Variants in CPLANE1 observed in about 807,000 individuals in gnomAD.
CPLANE1 encodes ciliogenesis and planar polarity effector 1.
Under a neutral mutation model 362.5 loss-of-function variants are expected in CPLANE1, and 263 were observed. That is an observed-to-expected ratio of 0.73 (90% confidence interval 0.66 to 0.80). The LOEUF is 0.80. Ranked by LOEUF, CPLANE1 falls within the 30% of genes least tolerant of loss-of-function variation. The probability of loss-of-function intolerance (pLI) is 0.00; values close to 1 mark genes in which losing one functional copy is unlikely to be tolerated. For missense variants in CPLANE1, 3,461 were observed against 3,793.4 expected (o/e 0.91, Z 2.30); for synonymous variants, 1,212 against 1,302.6 (o/e 0.93, Z 1.50).
At chr5:37,172,003 GGTC>G (rs1285945371) in intron 32 of CPLANE1, among the ~76,000 whole-genome samples, 1 of 151,886 alleles carries the variant, frequency 6.6e-6, no homozygotes, top group Non-Finnish European at 1.5e-5. Context: ...GTAGAGATGA[GGTC>G]TTGCTATGTT....
chr5:37,146,175 T>C (rs916077039), intron 43 of CPLANE1, among the ~76,000 whole-genome samples: 15 of 150,196 alleles, frequency 1.0e-4, no homozygotes, highest in African/African-American at 3.2e-4. Context: ...ACTGTAATAA[T>C]TAAAAAGCTT....
chr5:37,218,686 G>A (rs1172380053), intron 15 of CPLANE1, among the ~76,000 whole-genome samples: 1 of 152,086 alleles, frequency 6.6e-6, no homozygotes, highest in Non-Finnish European at 1.5e-5. Flanking sequence ...GGTGGCTCAC[G>A]CTTGTAATCC....
In CPLANE1 at chr5:37,107,236, T is replaced by G; in HGVS notation, c.*366A>C. 2.0e-6 allele frequency: 2 copies of G among 1,004,758 alleles called. No homozygotes were observed. The highest frequency in any genetic ancestry group is 9.3e-5 in the South Asian group (2 of 21,462). The allele number at this position is 1,004,758 out of a possible 1,614,324, so 62.2% of individuals were successfully genotyped here. ...TTTTTTTTTTCCTATTAGATTCATC[T>G]GTATATGGTTGTTTCTCAAAACTCA... On this transcript the variant is annotated 3_prime_UTR_variant, in exon 53 of 53. Transcript: ENST00000651892.
Position 37,247,693 on chromosome 5 carries a change from C to T in CPLANE1, c.6G>A (p.Glu2=). The change falls in exon 2 of 53, where the codon GAG becomes GAA. Residue 2 remains glutamate, a synonymous_variant. Coordinates refer to ENST00000651892, the MANE Select transcript of CPLANE1 (RefSeq NM_001384732.1). M[E]IRLEILTSTG... Reference sequence around the variant, plus strand: ...TTGATGTCAAGATTTCTAATCTTATCTCCATGTTTGTTAAGCTATCAATGA... The same window carrying T: ...TTGATGTCAAGATTTCTAATCTTATTTCCATGTTTGTTAAGCTATCAATGA... 6.5e-7 allele frequency: 1 copy of T among 1,548,724 alleles called. No individual in the cohort carries two copies. Among genetic ancestry groups the T allele is most frequent in the Non-Finnish European group, 8.7e-7 (1 of 1,144,622 alleles).
chr5:37,159,076 G>GCAAGCTCCGCTT (rs1776071555), intron 38 of CPLANE1, among the ~76,000 whole-genome samples: 1 of 136,528 alleles, frequency 7.3e-6, no homozygotes. Flanking sequence ...GAGCCACTGC[G>GCAAGCTCCGCTT]CCCAGCTAAT....
At chr5:37,135,754 C>T (rs1767511366) in intron 46 of CPLANE1, among the ~76,000 whole-genome samples, 1 of 151,894 alleles carries the variant, frequency 6.6e-6, no homozygotes, top group African/African-American at 2.4e-5. Flanking sequence ...TAACTTGAAC[C>T]AGGGAGTCAG....
intron 16 of CPLANE1, among the ~76,000 whole-genome samples, chr5:37,207,656 A>G (rs1034865908): frequency 1.3e-5 from 2 of 152,230 alleles, no homozygotes; most frequent in African/African-American, 2.4e-5. Context: ...TTCAAAATCC[A>G]TGGTTCTACG....
chr5:37,182,614 A>G (rs1373725832), intron 26 of CPLANE1, 146 bp downstream of exon 26: 2 of 616,746 alleles, frequency 3.2e-6, no homozygotes, highest in Admixed American at 3.5e-5. Flanking sequence ...CCACTGGAAG[A>G]AAAAAATAGG....
At chr5:37,237,002 C>T (rs145827367) in intron 8 of CPLANE1, among the ~76,000 whole-genome samples, 21 of 152,124 alleles carry the variant, frequency 1.4e-4, no homozygotes, top group Admixed American at 5.9e-4. Context: ...TTGGTGGGAA[C>T]GCAAATTAGT....
At chr5:37,140,954 A>G (rs1769536212) in intron 44 of CPLANE1, 1 of 985,686 alleles carries the variant, frequency 1.0e-6, no homozygotes, top group Non-Finnish European at 1.2e-6. Flanking sequence ...GGGAAGCCAA[A>G]AGACTGGAGT....
chr5:37,154,141 T>C, intron 41 of CPLANE1, 148 bp from the exon 42 acceptor site: 1 of 629,372 alleles, frequency 1.6e-6, no homozygotes, highest in South Asian at 2.8e-5. Flanking sequence ...AAATTCCTTT[T>C]CAGCTTCTTG....
At chr5:37,114,928 A>T in intron 51 of CPLANE1, 32 bp downstream of exon 51, 1 of 1,318,022 alleles carries the variant, frequency 7.6e-7, no homozygotes, top group Non-Finnish European at 1.1e-6. Context: ...TTCAGTATTA[A>T]GTCTAAAAAC....
At chr5:37,211,481 A>T (rs555634597) in intron 16 of CPLANE1, 1 of 1,391,196 alleles carries the variant, frequency 7.2e-7, no homozygotes, top group African/African-American at 1.4e-5. Flanking sequence ...AAGTGGGCAC[A>T]CTTAAAGAAG....
intron 20 of CPLANE1, among the ~76,000 whole-genome samples, chr5:37,196,798 G>A (rs751646216): frequency 2.0e-5 from 3 of 152,026 alleles, no homozygotes; most frequent in South Asian, 4.1e-4. Context: ...GGTGGCAGGC[G>A]CCTGTAGTCC....
chr5:37,124,646 G>A (rs889400973), intron 47 of CPLANE1, among the ~76,000 whole-genome samples: 1 of 152,032 alleles, frequency 6.6e-6, no homozygotes, highest in Non-Finnish European at 1.5e-5. Context: ...TCAAACTTCT[G>A]GGCTCAAATG....
At chr5:37,078,257 T>A in the CPLANE1 span, among the ~76,000 whole-genome samples, 1 of 152,162 alleles carries the variant, frequency 6.6e-6, no homozygotes. Context: ...CCATGTGTTC[T>A]CACCATTCAG....
intron 46 of CPLANE1, among the ~76,000 whole-genome samples, chr5:37,132,584 A>C (rs301864): frequency 0.15 from 22,911 of 151,802 alleles, 2,026 homozygotes; most frequent in African/African-American, 0.24. Flanking sequence ...CTGACCTTGT[A>C]ATCCGCCCGC....
intron 8 of CPLANE1, among the ~76,000 whole-genome samples, chr5:37,235,576 T>C (rs1798792146): frequency 7.0e-6 from 1 of 143,276 alleles, no homozygotes; most frequent in African/African-American, 2.6e-5. Context: ...TCTTTTTTTT[T>C]TTTTTTTTTT....
At chr5:37,212,946 C>T (rs190212732) in intron 16 of CPLANE1, among the ~76,000 whole-genome samples, 2 of 152,318 alleles carry the variant, frequency 1.3e-5, no homozygotes, top group Admixed American at 1.3e-4. Flanking sequence ...GGGCACGTGG[C>T]GCACGCCTAT....
Sources: gnomAD v4.1 joint callset for allele counts (sites outside exome capture counted in the v4.1 genomes callset) on GRCh38, gnomAD v4.1.1 for gene constraint, MANE v1.5 for transcripts, NCBI Gene and HGNC (gene_info 2026-07-23, HGNC 2026-07-21) for gene names.